The following SMIM35 variants were observed in gnomAD, a reference collection of about 807,000 sequenced individuals.
SMIM35 encodes small integral membrane protein 35.
At chr11:118,047,378 A>G (rs2135092863) in intron 1 of SMIM35, among the ~76,000 whole-genome samples, 1 of 152,172 alleles carries the variant, frequency 6.6e-6, no homozygotes, top group East Asian at 1.9e-4. Flanking sequence ...AGACAGAGAA[A>G]ATATCCAAAG....
chr11:118,023,358 TTTA>T (rs1454821918), intron 1 of SMIM35, among the ~76,000 whole-genome samples: 1 of 152,042 alleles, frequency 6.6e-6, no homozygotes, highest in Non-Finnish European at 1.5e-5. Context: ...TTTTTTCTAT[TTTA>T]TTATTATTAT....
At chr11:118,023,943 G>A (rs2058252932) in intron 1 of SMIM35, among the ~76,000 whole-genome samples, 1 of 151,782 alleles carries the variant, frequency 6.6e-6, no homozygotes, top group Non-Finnish European at 1.5e-5. Flanking sequence ...GCTGAGGAAG[G>A]AGAATGCTTG....
chr11:118,048,946 C>CAAAAAAAAAAA lies in SMIM35; in HGVS notation c.8-33148_8-33138dup, dbSNP rs57261529. On this transcript the variant is annotated intron_variant, in intron 1 of 4. Transcript: ENST00000689828. ...GCCTATCGCCTAGGCTGAAGAGCTG[C>CAAAAAAAAAAA]AAAAAAAAAAAAAAAAAAGCAAGTG... Among the ~76,000 whole-genome samples the CAAAAAAAAAAA allele has an allele frequency of 2.3e-3, 138 of 60,488 alleles. 14 individuals carry two copies. Among genetic ancestry groups the CAAAAAAAAAAA allele is most frequent in the African/African-American group, 9.0e-3 (123 of 13,716 alleles). 39.7% of individuals were successfully genotyped at this position (60,488 alleles called of 152,430 possible).
chr11:118,052,474 G>A (rs746745805), intron 1 of SMIM35, among the ~76,000 whole-genome samples: 26 of 152,068 alleles, frequency 1.7e-4, no homozygotes, highest in African/African-American at 5.6e-4. Context: ...TCACTTGTAC[G>A]GACCCTTCCA....
intron 4 of SMIM35, among the ~76,000 whole-genome samples, chr11:118,011,495 C>A (rs1346915679): frequency 6.6e-6 from 1 of 152,118 alleles, no homozygotes; most frequent in Non-Finnish European, 1.5e-5. Context: ...AGTTCGGGAC[C>A]AGCCTGGCCA....
chr11:118,014,471 A>C (rs1043590808), intron 3 of SMIM35, among the ~76,000 whole-genome samples: 2 of 152,000 alleles, frequency 1.3e-5, no homozygotes, highest in Non-Finnish European at 2.9e-5. Context: ...TTCCCTGCCT[A>C]AGGGTGAGTG....
At chr11:118,023,997 A>G (rs2058253420) in intron 1 of SMIM35, among the ~76,000 whole-genome samples, 1 of 149,836 alleles carries the variant, frequency 6.7e-6, no homozygotes, top group South Asian at 2.1e-4. Context: ...CCTGGGTGAT[A>G]GAGTGAGATG....
At chr11:118,033,625 A>AT (rs2058336417) in intron 1 of SMIM35, among the ~76,000 whole-genome samples, 1 of 152,180 alleles carries the variant, frequency 6.6e-6, no homozygotes, top group South Asian at 2.1e-4. Context: ...GTGAACGCAG[A>AT]TTTTGGGTTT....
chr11:118,035,550 A>G (rs2058352766), intron 1 of SMIM35, among the ~76,000 whole-genome samples: 1 of 152,218 alleles, frequency 6.6e-6, no homozygotes, highest in Non-Finnish European at 1.5e-5. Flanking sequence ...AGGTGCCATC[A>G]GAACAGAAGG....
chr11:118,013,567 C>A, intron 4 of SMIM35, 181 bp downstream of exon 4: 1 of 371,686 alleles, frequency 2.7e-6, no homozygotes, highest in East Asian at 3.9e-5. Context: ...AGGCCCAGTG[C>A]CAGAAGCGGG....
intron 1 of SMIM35, among the ~76,000 whole-genome samples, chr11:118,060,462 AG>A (rs1335365792): frequency 2.6e-5 from 4 of 152,244 alleles, no homozygotes; most frequent in Non-Finnish European, 5.9e-5. Flanking sequence ...GTTTTGCTGC[AG>A]TCTGTTTCGA....
intron 4 of SMIM35, among the ~76,000 whole-genome samples, chr11:118,012,682 G>C (rs78204624): frequency 0.07 from 10,651 of 152,282 alleles, 525 homozygotes; most frequent in Non-Finnish European, 0.1. Flanking sequence ...AACAGGCCCA[G>C]ATTGGGGATG....
Position 118,056,732 on chromosome 11 carries a change from T to A in SMIM35, c.7+30019A>T, listed in dbSNP as rs138486551. Reference sequence around the variant, plus strand: ...TACAAAGTGGAGATGACGGAGAAGATCCAGACAGGGAAGGACAATCACGGT... The same window carrying A: ...TACAAAGTGGAGATGACGGAGAAGAACCAGACAGGGAAGGACAATCACGGT... On this transcript the variant is annotated intron_variant, in intron 1 of 4. Transcript: ENST00000689828. Among the ~76,000 whole-genome samples the A allele has an allele frequency of 3.6e-4, 55 of 152,014 alleles. 1 individual carries two copies. The East Asian group carries it at 8.0e-3, about 22-fold the overall frequency.
intron 1 of SMIM35, among the ~76,000 whole-genome samples, chr11:118,043,110 A>G (rs1192360837): frequency 6.6e-6 from 1 of 152,206 alleles, no homozygotes; most frequent in Non-Finnish European, 1.5e-5. Flanking sequence ...TGGTCTCACC[A>G]CTTCTGTTCA....
intron 1 of SMIM35, chr11:118,029,065 T>C (rs977771855): frequency 2.6e-5 from 8 of 313,040 alleles, no homozygotes; most frequent in African/African-American, 1.7e-4. Flanking sequence ...ATGTCTGCAC[T>C]GAGTCACTCA....
chr11:118,053,073 T>C (rs1187767964), intron 1 of SMIM35, among the ~76,000 whole-genome samples: 1 of 152,102 alleles, frequency 6.6e-6, no homozygotes, highest in Non-Finnish European at 1.5e-5. Context: ...AGGGAGGCCA[T>C]GACGGGTGGA....
At chr11:118,077,654 G>A (rs1944764831) in intron 1 of SMIM35, among the ~76,000 whole-genome samples, 1 of 152,146 alleles carries the variant, frequency 6.6e-6, no homozygotes, top group South Asian at 2.1e-4. Flanking sequence ...CAAGGCAGGG[G>A]GCTGTTCTGA....
intron 1 of SMIM35, among the ~76,000 whole-genome samples, chr11:118,020,285 T>C (rs12269761): frequency 6.6e-6 from 1 of 152,094 alleles, no homozygotes; most frequent in Non-Finnish European, 1.5e-5. Flanking sequence ...ACTAAATAAA[T>C]AAATATATAA....
chr11:118,010,550 G>T (rs1191433439), intron 4 of SMIM35, among the ~76,000 whole-genome samples: 1 of 152,218 alleles, frequency 6.6e-6, no homozygotes, highest in Non-Finnish European at 1.5e-5. Context: ...TTGGCAGAGG[G>T]TTCAGCCTGG....
Sources: allele counts gnomAD v4.1 joint callset (sites outside exome capture counted in the v4.1 genomes callset), GRCh38; gene constraint gnomAD v4.1.1; transcripts MANE v1.5; gene names NCBI Gene and HGNC (gene_info 2026-07-23, HGNC 2026-07-21).